Variants in WWOX observed in about 807,000 individuals in gnomAD.
The protein encoded by WWOX is WW domain containing oxidoreductase.
WWOX carries 69 observed loss-of-function variants against 46.2 expected under a neutral mutation model. The ratio of observed to expected loss-of-function variants is 1.49; its 90% CI spans 1.23 to 1.82. The LOEUF (loss-of-function observed/expected upper bound fraction) is 1.82, where lower values mean the gene tolerates loss of function less well. WWOX is among the 40% of genes most tolerant of loss of function. The probability of loss-of-function intolerance (pLI) is 0.00; values close to 1 mark genes in which losing one functional copy is unlikely to be tolerated. For synonymous variants in WWOX, 359 were observed against 202.6 expected (o/e 1.77, Z -6.56); for missense variants, 919 against 542.6 (o/e 1.69, Z -6.89).
At chr16:78,316,636 C>T (rs924760834) in intron 5 of WWOX, among the ~76,000 whole-genome samples, 2 of 152,024 alleles carry the variant, frequency 1.3e-5, no homozygotes, top group African/African-American at 4.8e-5. Flanking sequence ...AGCCACGGTG[C>T]CTGGCCAAGT....
At chr16:79,026,769 C>T (rs1567496741) in intron 8 of WWOX, among the ~76,000 whole-genome samples, 2 of 146,154 alleles carry the variant, frequency 1.4e-5, no homozygotes, top group Non-Finnish European at 3.0e-5. Flanking sequence ...AGGCGACTGC[C>T]ACCACGCCCG....
At chr16:78,590,474 A>G (rs2045325952) in intron 8 of WWOX, among the ~76,000 whole-genome samples, 1 of 152,268 alleles carries the variant, frequency 6.6e-6, no homozygotes, top group African/African-American at 2.4e-5. Context: ...ATAAATAAAT[A>G]GGATTTTCCC....
intron 8 of WWOX, among the ~76,000 whole-genome samples, chr16:78,906,640 TGA>T (rs1316390510): frequency 6.6e-6 from 1 of 152,236 alleles, no homozygotes; most frequent in Non-Finnish European, 1.5e-5. Context: ...GCTTCAGTGA[TGA>T]TAAAGGTTAC....
intron 8 of WWOX, among the ~76,000 whole-genome samples, chr16:78,593,217 T>A (rs1003648541): frequency 9.2e-5 from 14 of 151,688 alleles, no homozygotes; most frequent in African/African-American, 3.4e-4. Flanking sequence ...ATTTTTTTTT[T>A]ATGTGTATAG....
Position 79,123,110 on chromosome 16 carries a change from G to A in WWOX, c.1057-88498G>A, listed in dbSNP as rs532048994. Reference sequence around the variant, plus strand: ...TGGTCTTGTAATTTCTGGTCTGTGCGTGCTGTATAAGGAAGAAGGTTTGGG... The same window carrying A: ...TGGTCTTGTAATTTCTGGTCTGTGCATGCTGTATAAGGAAGAAGGTTTGGG... On this transcript the variant is annotated intron_variant, in intron 8 of 8. Transcript: ENST00000566780. Among the ~76,000 whole-genome samples the A allele has an allele frequency of 4.6e-5, 7 of 152,250 alleles. No individual in the cohort carries two copies. The South Asian group carries it at 8.3e-4, about 18-fold the overall frequency.
At chr16:78,515,708 C>G (rs2043220781) in intron 8 of WWOX, among the ~76,000 whole-genome samples, 1 of 152,222 alleles carries the variant, frequency 6.6e-6, no homozygotes. Flanking sequence ...ACCTGCCAGA[C>G]TGCGCGTTGC....
intron 8 of WWOX, among the ~76,000 whole-genome samples, chr16:78,586,377 C>G (rs1417109766): frequency 6.6e-6 from 1 of 152,120 alleles, no homozygotes; most frequent in African/African-American, 2.4e-5. Context: ...CTCTCCATGT[C>G]TCAGTTTCCT....
intron 8 of WWOX, among the ~76,000 whole-genome samples, chr16:78,843,220 C>A (rs1239112713): frequency 6.7e-6 from 1 of 150,036 alleles, no homozygotes; most frequent in East Asian, 2.0e-4. Flanking sequence ...AAGATTAGAA[C>A]GTTGAAAGCT....
At chr16:79,051,191 A>T (rs2048160967) in intron 8 of WWOX, among the ~76,000 whole-genome samples, 1 of 152,146 alleles carries the variant, frequency 6.6e-6, no homozygotes, top group South Asian at 2.1e-4. Flanking sequence ...TTGGGAGAAA[A>T]AGTTGTCTTT....
intron 1 of WWOX, among the ~76,000 whole-genome samples, chr16:78,105,323 A>G (rs1008753682): frequency 6.6e-6 from 1 of 152,244 alleles, no homozygotes; most frequent in Admixed American, 6.5e-5. Context: ...TTATCCCGGC[A>G]TGGTGGCAGG....
At chr16:78,451,780 G>A (rs1013310267) in intron 8 of WWOX, among the ~76,000 whole-genome samples, 1 of 152,122 alleles carries the variant, frequency 6.6e-6, no homozygotes, top group African/African-American at 2.4e-5. Flanking sequence ...GACACTTATT[G>A]TCAAAGATAT....
intron 5 of WWOX, among the ~76,000 whole-genome samples, chr16:78,381,041 G>A (rs1180484986): frequency 6.6e-6 from 1 of 152,140 alleles, no homozygotes; most frequent in Non-Finnish European, 1.5e-5. Flanking sequence ...CCTTCCAGTA[G>A]CTTTCCTGAA....
At chr16:78,542,131 AT>A (rs2043913070) in intron 8 of WWOX, among the ~76,000 whole-genome samples, 1 of 151,010 alleles carries the variant, frequency 6.6e-6, no homozygotes, top group African/African-American at 2.4e-5. Flanking sequence ...AACCTCCCAA[AT>A]TTCTATCGAC....
intron 8 of WWOX, among the ~76,000 whole-genome samples, chr16:78,615,457 T>C (rs1040971836): frequency 3.9e-5 from 6 of 152,184 alleles, no homozygotes; most frequent in African/African-American, 1.4e-4. Flanking sequence ...AAGACCAGGC[T>C]GGGCAGCATA....
chr16:79,144,251 A>G (rs139498283), intron 8 of WWOX, among the ~76,000 whole-genome samples: 188 of 152,190 alleles, frequency 1.2e-3, no homozygotes, highest in African/African-American at 4.0e-3. Flanking sequence ...CAGCTCTCCA[A>G]TCCCCCAGCT....
chr16:78,811,626 C>T (rs1431891396), intron 8 of WWOX, among the ~76,000 whole-genome samples: 3 of 152,098 alleles, frequency 2.0e-5, no homozygotes, highest in Admixed American at 6.6e-5. Flanking sequence ...CTGCCTCAGT[C>T]TCCCAAAGTG....
At position 78,261,788 on chromosome 16, in the gene WWOX, C is replaced by CTAGATATATATATATATATA. The variant is rs1491587303; in HGVS notation, c.516+97501_516+97502insGATATATATATATATATATA. On this transcript the variant is annotated intron_variant, in intron 5 of 8. Coordinates refer to ENST00000566780, the MANE Select transcript of WWOX (RefSeq NM_016373.4). Reference sequence around the variant, plus strand: ...TCTATCTATGTATCTATCTATCTATCTATATATATATATATATATATATAT... The same window carrying CTAGATATATATATATATATA: ...TCTATCTATGTATCTATCTATCTATCTAGATATATATATATATATATATATATATATATATATATATATAT... 8.0e-4 allele frequency among the ~76,000 whole-genome samples: 59 copies of CTAGATATATATATATATATA among 73,734 alleles called. 2 individuals are homozygous for CTAGATATATATATATATATA. Among genetic ancestry groups the CTAGATATATATATATATATA allele is most frequent in the African/African-American group, 3.3e-3 (57 of 17,438 alleles). The allele number at this position is 73,734 out of a possible 152,430, so 48.4% of individuals were successfully genotyped here.
chr16:78,421,908 C>T (rs966427560), intron 6 of WWOX, among the ~76,000 whole-genome samples: 1 of 152,114 alleles, frequency 6.6e-6, no homozygotes, highest in African/African-American at 2.4e-5. Context: ...GTGAATCTTT[C>T]AATTCTCATG....
chr16:78,930,270 TCTCTC>T (rs2045593726), intron 8 of WWOX, among the ~76,000 whole-genome samples: 6 of 54,688 alleles, frequency 1.1e-4, no homozygotes, highest in African/African-American at 2.2e-4. Flanking sequence ...TTCCTTCCTT[TCTCTC>T]TTTCTTTTTT....
Sources: gnomAD v4.1 joint callset for allele counts (sites outside exome capture counted in the v4.1 genomes callset) on GRCh38, gnomAD v4.1.1 for gene constraint, MANE v1.5 for transcripts, NCBI Gene and HGNC (gene_info 2026-07-23, HGNC 2026-07-21) for gene names.